Variants in CREB5 observed in about 807,000 individuals in gnomAD.
CREB5 encodes cAMP responsive element binding protein 5.
Under a neutral mutation model 57.1 loss-of-function variants are expected in CREB5, and 19 were observed. That is an observed-to-expected ratio of 0.33 (90% CI 0.23 to 0.49). The LOEUF is 0.49. Among genes scored for constraint, CREB5 ranks in the 20% least tolerant of loss-of-function variants. The pLI is 0.99. For missense variants in CREB5, 579 were observed against 671.6 expected (o/e 0.86, Z 1.52); for synonymous variants, 238 against 238.3 (o/e 1.00, Z 0.01).
At chr7:28,330,604 A>T (rs529425743) in intron 1 of CREB5, among the ~76,000 whole-genome samples, 1 of 149,738 alleles carries the variant, frequency 6.7e-6, no homozygotes, top group East Asian at 2.0e-4. Flanking sequence ...TTTGCAAAAC[A>T]GAATAGTGAA....
intron 4 of CREB5, among the ~76,000 whole-genome samples, chr7:28,555,352 A>G (rs1041388646): frequency 6.6e-6 from 1 of 152,242 alleles, no homozygotes; most frequent in Non-Finnish European, 1.5e-5. Flanking sequence ...CCACTTCACA[A>G]ATGTGAAGAT....
upstream of CREB5, chr7:28,410,605 G>C (rs1422053031): frequency 2.2e-6 from 1 of 453,122 alleles, no homozygotes; most frequent in African/African-American, 2.0e-5. Context: ...CTGGACCGGT[G>C]CCGCCCCCAC....
intron 5 of CREB5, among the ~76,000 whole-genome samples, chr7:28,678,928 AG>A (rs2128723116): frequency 6.6e-6 from 1 of 152,328 alleles, no homozygotes; most frequent in South Asian, 2.1e-4. Context: ...ATAGACACAG[AG>A]CTCTACAGCT....
chr7:28,404,903 G>A (rs1219613437), intron 1 of CREB5, among the ~76,000 whole-genome samples: 1 of 152,188 alleles, frequency 6.6e-6, no homozygotes, highest in Non-Finnish European at 1.5e-5. Flanking sequence ...CAACAGCAAT[G>A]TGGGTTCTTT....
chr7:28,367,677 G>A (rs759099669), intron 1 of CREB5, among the ~76,000 whole-genome samples: 9 of 152,070 alleles, frequency 5.9e-5, no homozygotes, highest in African/African-American at 1.2e-4. Context: ...GCGTGGCAGC[G>A]CATGCCTGTA....
intron 7 of CREB5, among the ~76,000 whole-genome samples, chr7:28,756,319 G>A (rs1191277741): frequency 3.9e-5 from 6 of 152,200 alleles, no homozygotes; most frequent in African/African-American, 1.2e-4. Context: ...TTGGGAGGCC[G>A]AGGCGGGCAG....
chr7:28,673,455 T>C (rs1395536044), intron 5 of CREB5, among the ~76,000 whole-genome samples: 1 of 152,178 alleles, frequency 6.6e-6, no homozygotes. Context: ...ATAGAAGTCT[T>C]AAAATCACAT....
chr7:28,631,113 C>T (rs114657726), intron 5 of CREB5, among the ~76,000 whole-genome samples: 2,249 of 152,206 alleles, frequency 0.015, 66 homozygotes, highest in African/African-American at 0.051. Flanking sequence ...TTTTCAATAC[C>T]GACCCGCTCT....
chr7:28,306,268 A>T (rs1182647962), intron 1 of CREB5, among the ~76,000 whole-genome samples: 1 of 152,102 alleles, frequency 6.6e-6, no homozygotes, highest in African/African-American at 2.4e-5. Context: ...CTGCTGTGTT[A>T]CTCTTTTCTA....
chr7:28,776,567 T>C (rs372233189), intron 7 of CREB5, among the ~76,000 whole-genome samples: 2 of 152,212 alleles, frequency 1.3e-5, no homozygotes, highest in East Asian at 3.8e-4. Context: ...TACCATAAAA[T>C]TCACTCTCTC....
chr7:28,412,980 A>C (rs1583431902), intron 1 of CREB5, 63 bp downstream of exon 1: 2 of 1,326,378 alleles, frequency 1.5e-6, no homozygotes, highest in East Asian at 5.1e-5. Flanking sequence ...GTTAAATAGA[A>C]CCAATGTTGT....
intron 1 of CREB5, among the ~76,000 whole-genome samples, chr7:28,455,669 G>T (rs1008145511): frequency 6.6e-6 from 1 of 151,940 alleles, no homozygotes; most frequent in Non-Finnish European, 1.5e-5. Flanking sequence ...GGGCTTTGAT[G>T]CTTCATGGAG....
rs1562797731 is a variant in CREB5 at position 28,560,909 on chromosome 7, C to CGTGCGTGTGTGTGTGT, written c.292-9453_292-9452insCGTGTGTGTGTGTGTG. On this transcript the variant is annotated intron_variant, in intron 4 of 10. Transcript: ENST00000357727. ...GTGCGTGTGTGTGCGTGCGCGCGTG[C>CGTGCGTGTGTGTGTGT]GTGTGCGTGTGTGCGCGTGCGTGTG... is the stretch of plus-strand genomic sequence containing the variant. Among the ~76,000 whole-genome samples, 4 of 32,692 alleles carry CGTGCGTGTGTGTGTGT rather than the reference C, an allele frequency of 1.2e-4. No individual in the cohort carries two copies. The South Asian group carries it at 3.8e-3, about 31-fold the overall frequency. The allele number at this position is 32,692 out of a possible 152,430, so 21.4% of individuals were successfully genotyped here.
intron 7 of CREB5, among the ~76,000 whole-genome samples, chr7:28,762,082 GA>G (rs1805691507): frequency 6.6e-6 from 1 of 152,116 alleles, no homozygotes; most frequent in Non-Finnish European, 1.5e-5. Context: ...TCATTTAAAT[GA>G]AAGCTTTATA....
intron 5 of CREB5, among the ~76,000 whole-genome samples, chr7:28,640,053 T>C (rs1041723158): frequency 6.6e-6 from 1 of 152,164 alleles, no homozygotes; most frequent in Non-Finnish European, 1.5e-5. Context: ...CAGGAGGAAT[T>C]TGGTTGAAAC....
chr7:28,579,116 C>T (rs934362637), intron 5 of CREB5, among the ~76,000 whole-genome samples: 1 of 152,174 alleles, frequency 6.6e-6, no homozygotes, highest in Non-Finnish European at 1.5e-5. Flanking sequence ...TGCTGGGGGC[C>T]TGACTTTTCC....
chr7:28,389,303 A>G (rs1787167434), intron 1 of CREB5, among the ~76,000 whole-genome samples: 1 of 152,208 alleles, frequency 6.6e-6, no homozygotes, highest in South Asian at 2.1e-4. Flanking sequence ...TGAGATTTCA[A>G]CATAAAGAAA....
At chr7:28,578,571 A>T (rs1227784738) in intron 5 of CREB5, among the ~76,000 whole-genome samples, 1 of 152,218 alleles carries the variant, frequency 6.6e-6, no homozygotes, top group Non-Finnish European at 1.5e-5. Flanking sequence ...CCCTGCGGGC[A>T]TTTCAGATAT....
At chr7:28,652,795 T>G (rs1010231563) in intron 5 of CREB5, among the ~76,000 whole-genome samples, 7 of 152,220 alleles carry the variant, frequency 4.6e-5, no homozygotes, top group Non-Finnish European at 1.0e-4. Flanking sequence ...TCACAGTGGA[T>G]TCCTATGATG....
Sources: gnomAD v4.1 joint callset for allele counts (sites outside exome capture counted in the v4.1 genomes callset) on GRCh38, gnomAD v4.1.1 for gene constraint, MANE v1.5 for transcripts, NCBI Gene and HGNC (gene_info 2026-07-23, HGNC 2026-07-21) for gene names.